Variants in HTR4 observed in about 807,000 individuals in gnomAD.
HTR4 encodes 5-hydroxytryptamine (serotonin) receptor 4, G protein-coupled.
A neutral mutation model predicts 36.8 loss-of-function variants in HTR4; 16 were observed. That is an observed-to-expected ratio of 0.43 (90% confidence interval 0.29 to 0.66). HTR4 has a LOEUF of 0.66. Ranked by LOEUF, HTR4 falls within the 30% of genes least tolerant of loss-of-function variation. HTR4 has a pLI of 0.13. For missense variants in HTR4, 438 were observed against 490.9 expected, an observed-to-expected ratio of 0.89 and a Z score of 1.02; for synonymous variants, 189 against 185.1, an observed-to-expected ratio of 1.02 and a Z score of -0.17.
rs1009630029 is a variant in HTR4 at position 148,654,202 on chromosome 5, G to C, written c.-188C>G. ...CCCTCCCTGCCGCCCCCTCGGGTGC[G>C]GGCTCCAGCCCCCGCGCTGGGGAGC... On this transcript the variant is annotated 5_prime_UTR_variant, in exon 1 of 7. Transcript: ENST00000377888. The C allele has an allele frequency of 1.2e-5, 12 of 984,780 alleles. No homozygotes were observed. The highest frequency in any genetic ancestry group is 1.8e-5 in the African/African-American group (1 of 57,038). 61.0% of individuals were successfully genotyped at this position (984,780 alleles called of 1,614,324 possible).
intron 1 of HTR4, among the ~76,000 whole-genome samples, chr5:148,637,645 C>G (rs911249754): frequency 8.5e-5 from 13 of 152,256 alleles, no homozygotes; most frequent in African/African-American, 3.1e-4. Flanking sequence ...GAACCCCAGG[C>G]TAAGAATTCC....
intron 2 of HTR4, among the ~76,000 whole-genome samples, chr5:148,614,702 GCTT>G (rs1752589943): frequency 6.6e-6 from 1 of 152,130 alleles, no homozygotes; most frequent in East Asian, 1.9e-4. Flanking sequence ...AAACTAAAGA[GCTT>G]CTGCACAGCA....
At chr5:148,603,648 G>A (rs1752016788) in intron 2 of HTR4, among the ~76,000 whole-genome samples, 1 of 151,892 alleles carries the variant, frequency 6.6e-6, no homozygotes, top group African/African-American at 2.4e-5. Flanking sequence ...AAAACAAAGT[G>A]TTAGCATTAA....
intron 2 of HTR4, among the ~76,000 whole-genome samples, chr5:148,626,297 C>T (rs1217330790): frequency 6.6e-6 from 1 of 152,170 alleles, no homozygotes; most frequent in African/African-American, 2.4e-5. Context: ...CAGAACATTC[C>T]CTTTCAGGGA....
chr5:148,512,045 T>C (rs1757524468), intron 5 of HTR4, among the ~76,000 whole-genome samples: 1 of 152,244 alleles, frequency 6.6e-6, no homozygotes, highest in African/African-American at 2.4e-5. Flanking sequence ...ACTGAGTTTC[T>C]GCATCTGTTT....
intron 2 of HTR4, among the ~76,000 whole-genome samples, chr5:148,605,060 T>C (rs1368883972): frequency 6.6e-6 from 1 of 152,028 alleles, no homozygotes; most frequent in Admixed American, 6.6e-5. Context: ...GCTCAGACAG[T>C]ATAGGAACTG....
At chr5:148,552,844 G>C (rs973860012) in intron 2 of HTR4, among the ~76,000 whole-genome samples, 1 of 152,108 alleles carries the variant, frequency 6.6e-6, no homozygotes, top group African/African-American at 2.4e-5. Context: ...TACATATGTA[G>C]ATGATGCATT....
chr5:148,570,437 G>A (rs185535752), intron 2 of HTR4, among the ~76,000 whole-genome samples: 16 of 152,234 alleles, frequency 1.1e-4, no homozygotes, highest in Admixed American at 3.9e-4. Context: ...CATTGACCCT[G>A]ATGGGAGAAC....
chr5:148,493,235 G>A (rs1340865281), intron 6 of HTR4, among the ~76,000 whole-genome samples: 1 of 152,194 alleles, frequency 6.6e-6, no homozygotes, highest in Non-Finnish European at 1.5e-5. Flanking sequence ...TATGTGACCA[G>A]TGCATATACA....
intron 2 of HTR4, among the ~76,000 whole-genome samples, chr5:148,613,064 G>A (rs1752507250): frequency 1.4e-5 from 2 of 140,670 alleles, no homozygotes; most frequent in Admixed American, 1.4e-4. Context: ...AAAGAGTCCA[G>A]GACCAGATGG....
intron 4 of HTR4, among the ~76,000 whole-genome samples, chr5:148,543,157 T>C (rs1759203830): frequency 6.6e-6 from 1 of 152,130 alleles, no homozygotes; most frequent in African/African-American, 2.4e-5. Flanking sequence ...TTTTCTTTCC[T>C]GGTGGAAGAA....
intron 2 of HTR4, among the ~76,000 whole-genome samples, chr5:148,618,242 A>T (rs553948055): frequency 6.6e-6 from 1 of 152,070 alleles, no homozygotes; most frequent in South Asian, 2.1e-4. Flanking sequence ...CCCACCCAAA[A>T]CTCAAGAACC....
At position 148,596,873 on chromosome 5, in the gene HTR4, T is replaced by C. The variant is rs1164498431; in HGVS notation, c.26+40116A>G. On this transcript the variant is annotated intron_variant, in intron 2 of 6. Coordinates refer to ENST00000377888, the MANE Select transcript of HTR4 (RefSeq NM_000870.7). ...GCTAAAAGTTCAGTAGTGAACAAGATGGCTATGGCCCTGACTTTGTGTAGC... is the reference window on the plus strand; with the variant it reads ...GCTAAAAGTTCAGTAGTGAACAAGACGGCTATGGCCCTGACTTTGTGTAGC... Among the ~76,000 whole-genome samples the C allele has an allele frequency of 2.0e-5, 3 of 152,188 alleles. No individual in the cohort carries two copies. The East Asian group carries it at 5.8e-4, about 29-fold the overall frequency.
intron 5 of HTR4, among the ~76,000 whole-genome samples, chr5:148,521,118 C>T (rs1757993411): frequency 6.6e-6 from 1 of 152,216 alleles, no homozygotes; most frequent in Non-Finnish European, 1.5e-5. Flanking sequence ...ACAGCAAGTG[C>T]CTGACAACTT....
At chr5:148,535,476 A>C (rs2113821156) in intron 4 of HTR4, among the ~76,000 whole-genome samples, 1 of 152,318 alleles carries the variant, frequency 6.6e-6, no homozygotes, top group Admixed American at 6.5e-5. Flanking sequence ...ATCCAAGGAA[A>C]CCAAGACACA....
Position 148,654,257 on chromosome 5 carries a change from G to A in HTR4, c.-243C>T. The A allele has an allele frequency of 1.0e-6, 1 of 985,274 alleles. No individual in the cohort carries two copies. Among genetic ancestry groups the A allele is most frequent in the Non-Finnish European group, 1.2e-6 (1 of 829,864 alleles). 61.0% of individuals were successfully genotyped at this position (985,274 alleles called of 1,614,324 possible). ...GAGCGTGAGGCGCGGGCCAGGGGCTGCGGGCGCAGGACCCCAGCCCCGGAT... is the reference window on the plus strand; with the variant it reads ...GAGCGTGAGGCGCGGGCCAGGGGCTACGGGCGCAGGACCCCAGCCCCGGAT... On this transcript the variant is annotated 5_prime_UTR_variant, in exon 1 of 7. Coordinates refer to ENST00000377888, the MANE Select transcript of HTR4 (RefSeq NM_000870.7).
At chr5:148,597,349 C>T (rs1761817214) in intron 2 of HTR4, among the ~76,000 whole-genome samples, 1 of 152,194 alleles carries the variant, frequency 6.6e-6, no homozygotes, top group African/African-American at 2.4e-5. Flanking sequence ...CAGGCTCCAA[C>T]CAGGGTCTTT....
chr5:148,566,964 G>GT (rs200616886), intron 2 of HTR4, among the ~76,000 whole-genome samples: 3 of 149,760 alleles, frequency 2.0e-5, no homozygotes, highest in African/African-American at 4.9e-5. Flanking sequence ...AAAAAATTGT[G>GT]TTTTTTTTCA....
downstream of HTR4, among the ~76,000 whole-genome samples, chr5:148,477,210 A>G (rs1755727581): frequency 6.6e-6 from 1 of 152,210 alleles, no homozygotes; most frequent in Non-Finnish European, 1.5e-5. Flanking sequence ...AAGTCTACTG[A>G]TTACATAGCC....
Sources: allele counts gnomAD v4.1 joint callset (sites outside exome capture counted in the v4.1 genomes callset), GRCh38; gene constraint gnomAD v4.1.1; transcripts MANE v1.5; gene names NCBI Gene and HGNC (gene_info 2026-07-23, HGNC 2026-07-21).